Variants in SH3RF1 observed in about 807,000 individuals in gnomAD.
The protein encoded by SH3RF1 is E3 ubiquitin-protein ligase SH3RF1.
In SH3RF1, 32 loss-of-function variants were observed where a neutral mutation model predicts 74.0. The ratio of observed to expected loss-of-function variants is 0.43; its 90% CI spans 0.33 to 0.58. The LOEUF (loss-of-function observed/expected upper bound fraction) is 0.58, where lower values mean the gene tolerates loss of function less well. Among genes scored for constraint, SH3RF1 ranks in the 20% least tolerant of loss-of-function variants. The probability of loss-of-function intolerance (pLI) is 0.05; values close to 1 mark genes in which losing one functional copy is unlikely to be tolerated. For synonymous variants in SH3RF1, 396 were observed against 439.6 expected, an observed-to-expected ratio of 0.90 and a Z score of 1.24; for missense variants, 954 against 1,130.9, an observed-to-expected ratio of 0.84 and a Z score of 2.24.
At chr4:169,219,960 C>T (rs915169860) in intron 2 of SH3RF1, 1 of 151,554 alleles carries the variant, frequency 6.6e-6, no homozygotes, top group African/African-American at 2.4e-5. Context: ...AACTTCCAGG[C>T]GATCAGTACA....
At chr4:169,134,266 T>C (rs1733663140) in intron 5 of SH3RF1, among the ~76,000 whole-genome samples, 1 of 152,176 alleles carries the variant, frequency 6.6e-6, no homozygotes, top group Admixed American at 6.5e-5. Flanking sequence ...GAAAGAGCCT[T>C]GTTTCCTAAG....
At position 169,116,306 on chromosome 4, in the gene SH3RF1, C is replaced by G; in HGVS notation, c.2102G>C (p.Gly701Ala). The change falls in exon 10 of 12, where the codon GGG (glycine) becomes GCG (alanine). Residue 701 changes from glycine (G) to alanine (A), a missense_variant. By Grantham distance (60) the Gly-to-Ala change is moderately conservative (BLOSUM62 0). Around this residue, in one of 3 missense-constraint regions of SH3RF1, gnomAD observed 854 missense variants for 962.5 expected, o/e 0.89. Transcript: ENST00000284637. Reference sequence around the variant, plus strand: ...GTCTGGTTTGGTTGCTGAACTGTTCCCACAAGCTGATGAAGCACTGTCAGG... The same window carrying G: ...GTCTGGTTTGGTTGCTGAACTGTTCGCACAAGCTGATGAAGCACTGTCAGG... ...TSPDSASSAC[G>A]NSSATKPDKD... is the part of the protein sequence containing the mutation. 6.2e-7 allele frequency: 1 copy of G among 1,613,480 alleles called. No individual in the cohort carries two copies. The highest frequency in any genetic ancestry group is 8.5e-7 in the Non-Finnish European group (1 of 1,179,680).
At chr4:169,125,749 A>C (rs1733514162) in intron 6 of SH3RF1, among the ~76,000 whole-genome samples, 1 of 152,152 alleles carries the variant, frequency 6.6e-6, no homozygotes, top group South Asian at 2.1e-4. Context: ...ATTTCCATTC[A>C]GCCCACTTTC....
At chr4:169,098,212 C>T (rs1226970067) in intron 11 of SH3RF1, among the ~76,000 whole-genome samples, 2 of 152,236 alleles carry the variant, frequency 1.3e-5, no homozygotes, top group Non-Finnish European at 1.5e-5. Flanking sequence ...ATAAATACAT[C>T]TTTCACTGTT....
At chr4:169,134,192 A>T (rs1429650570) in intron 5 of SH3RF1, among the ~76,000 whole-genome samples, 3 of 152,244 alleles carry the variant, frequency 2.0e-5, no homozygotes, top group Non-Finnish European at 4.4e-5. Context: ...CACTGAAAAC[A>T]GAACAAACTG....
chr4:169,177,357 A>G (rs1206264267), intron 2 of SH3RF1, among the ~76,000 whole-genome samples: 1 of 152,208 alleles, frequency 6.6e-6, no homozygotes, highest in African/African-American at 2.4e-5. Context: ...AATCTTTATA[A>G]TCACCCACTT....
At chr4:169,150,391 A>T (rs1733956255) in intron 4 of SH3RF1, among the ~76,000 whole-genome samples, 1 of 152,174 alleles carries the variant, frequency 6.6e-6, no homozygotes, top group Non-Finnish European at 1.5e-5. Flanking sequence ...TATCTTTATC[A>T]TGTATAAGAT....
intron 4 of SH3RF1, among the ~76,000 whole-genome samples, chr4:169,138,920 T>C (rs552998261): frequency 2.1e-4 from 32 of 152,308 alleles, no homozygotes; most frequent in African/African-American, 7.5e-4. Flanking sequence ...ATATCATATA[T>C]TCTCCATTAA....
At position 169,098,558 on chromosome 4, in the gene SH3RF1, G is replaced by A. The variant is rs965074268; in HGVS notation, c.2499-1871C>T. ...CTGCTTGAACAACCTGAGCTCCTTT[G>A]GCACAGGGACCAAATTACTACCCAA... is the stretch of plus-strand genomic sequence containing the variant. On this transcript the variant is annotated intron_variant, in intron 11 of 11. Transcript: ENST00000284637. Among the ~76,000 whole-genome samples, 3 of 152,160 alleles carry A rather than the reference G, an allele frequency of 2.0e-5. No homozygotes were observed. In the East Asian group the frequency reaches 5.8e-4, roughly 29 times the overall value.
intron 10 of SH3RF1, among the ~76,000 whole-genome samples, chr4:169,115,903 CA>C (rs1473363520): frequency 6.6e-6 from 1 of 152,146 alleles, no homozygotes; most frequent in Non-Finnish European, 1.5e-5. Flanking sequence ...GACTTGAGGA[CA>C]GCAAAATGAT....
intron 11 of SH3RF1, among the ~76,000 whole-genome samples, chr4:169,099,025 C>G (rs1403041303): frequency 6.6e-6 from 1 of 152,224 alleles, no homozygotes; most frequent in Non-Finnish European, 1.5e-5. Context: ...GGCCACAACT[C>G]AGGCCTCATT....
At chr4:169,110,494 G>A (rs569506748) in intron 10 of SH3RF1, among the ~76,000 whole-genome samples, 2 of 152,302 alleles carry the variant, frequency 1.3e-5, no homozygotes, top group African/African-American at 4.8e-5. Context: ...GCCAGGTGCC[G>A]TGGTGTGAAC....
chr4:169,132,760 T>C (rs1411851462), intron 5 of SH3RF1, among the ~76,000 whole-genome samples: 2 of 152,200 alleles, frequency 1.3e-5, no homozygotes, highest in East Asian at 3.9e-4. Flanking sequence ...AAAGATGCCA[T>C]AGAAACACTG....
At chr4:169,219,649 A>G (rs1213342310) in intron 2 of SH3RF1, among the ~76,000 whole-genome samples, 1 of 152,116 alleles carries the variant, frequency 6.6e-6, no homozygotes, top group South Asian at 2.1e-4. Flanking sequence ...CTTCAGGCCT[A>G]TTTGCAGGCA....
At chr4:169,111,014 AT>A (rs1156746794) in intron 10 of SH3RF1, among the ~76,000 whole-genome samples, 62 of 151,128 alleles carry the variant, frequency 4.1e-4, no homozygotes, top group African/African-American at 1.4e-3. Context: ...CTAATCAAAA[AT>A]TTTTTTTTCA....
At chr4:169,220,322 G>A (rs915804272) in intron 2 of SH3RF1, 1 of 152,206 alleles carries the variant, frequency 6.6e-6, no homozygotes, top group African/African-American at 2.4e-5. Context: ...CATGAAGATT[G>A]AAGAAGAATA....
chr4:169,104,606 A>G (rs1040975758), intron 11 of SH3RF1, among the ~76,000 whole-genome samples: 15 of 152,294 alleles, frequency 9.8e-5, no homozygotes, highest in African/African-American at 3.1e-4. Context: ...ATAAAAATAA[A>G]TATCATAAAT....
intron 2 of SH3RF1, among the ~76,000 whole-genome samples, chr4:169,247,059 G>A (rs1731005929): frequency 6.6e-6 from 1 of 152,158 alleles, no homozygotes; most frequent in South Asian, 2.1e-4. Context: ...AGCAGTTAAG[G>A]CATTAAAAGA....
intron 2 of SH3RF1, among the ~76,000 whole-genome samples, chr4:169,180,647 G>A (rs543578683): frequency 2.6e-5 from 4 of 152,156 alleles, no homozygotes; most frequent in African/African-American, 7.2e-5. Flanking sequence ...TTTGGTCTTT[G>A]GTTGTTGCCT....
Sources: allele counts gnomAD v4.1 joint callset (sites outside exome capture counted in the v4.1 genomes callset), GRCh38; gene constraint gnomAD v4.1.1; regional missense constraint gnomAD v4.1.1; transcripts MANE v1.5; gene names NCBI Gene and HGNC (gene_info 2026-07-23, HGNC 2026-07-21).